CUTC: variants seen among roughly 807,000 people sequenced by gnomAD.
The protein encoded by CUTC is copper homeostasis protein cutC homolog.
CUTC carries 27 observed loss-of-function variants against 36.2 expected under a neutral mutation model. The ratio of observed to expected loss-of-function variants is 0.75; its 90% CI spans 0.55 to 1.03. The LOEUF (loss-of-function observed/expected upper bound fraction) is 1.03, where lower values mean the gene tolerates loss of function less well. CUTC is among the 50% of genes least tolerant of loss of function. The pLI, the probability that CUTC is intolerant of heterozygous loss-of-function variation, is 0.00. For missense variants in CUTC, 315 were observed against 343.5 expected (o/e 0.92, Z 0.66); for synonymous variants, 114 against 118.3 (o/e 0.96, Z 0.24).
At chr10:99,742,398 A>G (rs1416596312) in intron 3 of CUTC, among the ~76,000 whole-genome samples, 1 of 152,198 alleles carries the variant, frequency 6.6e-6, no homozygotes, top group Non-Finnish European at 1.5e-5. Flanking sequence ...AAAAGAGGGC[A>G]TTCCTGGCCA....
At chr10:99,750,231 G>T in intron 6 of CUTC, 138 bp from the exon 7 acceptor site, 1 of 475,876 alleles carries the variant, frequency 2.1e-6, no homozygotes, top group Non-Finnish European at 3.5e-6. Context: ...AAATAGAGAA[G>T]ATCTAGTAAA....
intron 7 of CUTC, among the ~76,000 whole-genome samples, chr10:99,752,466 CAGAG>C (rs2037426609): frequency 6.6e-6 from 1 of 151,782 alleles, no homozygotes; most frequent in Non-Finnish European, 1.5e-5. Flanking sequence ...GAAACATAAG[CAGAG>C]AGAAAGTATA....
intron 1 of CUTC, chr10:99,732,688 C>T: frequency 7.8e-7 from 1 of 1,280,796 alleles, no homozygotes; most frequent in Non-Finnish European, 1.0e-6. Flanking sequence ...ACTTCAGCTT[C>T]ACGTTTTTTC....
At chr10:99,742,433 G>A (rs2037348219) in intron 3 of CUTC, among the ~76,000 whole-genome samples, 1 of 152,182 alleles carries the variant, frequency 6.6e-6, no homozygotes, top group Non-Finnish European at 1.5e-5. Flanking sequence ...GAGCATGTCT[G>A]TAAATTTGAG....
At chr10:99,732,475 G>C in intron 1 of CUTC, 66 bp downstream of exon 1, 3 of 1,545,558 alleles carry the variant, frequency 1.9e-6, no homozygotes, top group African/African-American at 1.4e-5. Flanking sequence ...GGCGGGAGTC[G>C]TAGTCAGTGG....
At chr10:99,739,634 AATAT>A (rs1451644313) in intron 2 of CUTC, 72 bp from the exon 3 acceptor site, 8 of 1,337,000 alleles carry the variant, frequency 6.0e-6, no homozygotes, top group Non-Finnish European at 8.4e-6. Context: ...ATTTGGAAAA[AATAT>A]ATATAAACAG....
intron 1 of CUTC, chr10:99,732,627 G>C: frequency 7.0e-7 from 1 of 1,420,344 alleles, no homozygotes; most frequent in Non-Finnish European, 9.2e-7. Context: ...GCCAAGGTTC[G>C]AGTCCCGGGG....
At chr10:99,747,049 C>T (rs868405875) in intron 5 of CUTC, among the ~76,000 whole-genome samples, 4 of 152,104 alleles carry the variant, frequency 2.6e-5, no homozygotes, top group Non-Finnish European at 4.4e-5. Context: ...ATTATAGGCA[C>T]GAGCCACTGC....
intron 5 of CUTC, among the ~76,000 whole-genome samples, chr10:99,745,218 T>C (rs968918398): frequency 1.3e-5 from 2 of 152,246 alleles, no homozygotes; most frequent in African/African-American, 4.8e-5. Context: ...TTTATTCCAA[T>C]AGGTTTAACA....
At position 99,754,529 on chromosome 10, in the gene CUTC, GA is replaced by G; in HGVS notation, c.603del (p.Gly202ValfsTer3). 1 of 1,595,584 alleles carries G rather than the reference GA, an allele frequency of 6.3e-7. No individual in the cohort carries two copies. Among genetic ancestry groups the G allele is most frequent in the Non-Finnish European group, 8.6e-7 (1 of 1,163,988 alleles). On this transcript the variant is annotated frameshift_variant and splice_region_variant, in exon 8 of 9. Transcript: ENST00000370476. LOFTEE classifies it high-confidence loss of function. ...QAKGRIVVMPGGGITDRNLQR... is the reference protein window; with the variant it reads ...QAKGRIVVMPXGGITDRNLQR... ...ATGTGTTACTTATTCTTTGCAACAG[GA>G]GGTGGTATAACAGACAGAAATCTAC...
At position 99,743,083 on chromosome 10, in the gene CUTC, TA is replaced by T. The variant is rs1042515086; in HGVS notation, c.194-67del. On this transcript the variant is annotated intron_variant, in intron 3 of 8. Coordinates refer to ENST00000370476, the MANE Select transcript of CUTC (RefSeq NM_015960.3). ...ACCTTTTAGAGCCATCTTTGTCTGG[TA>T]AATGACCAATAATATATCATTGGCT... The T allele has an allele frequency of 5.5e-6, 8 of 1,455,802 alleles. No individual in the cohort carries two copies. The African/African-American group carries it at 1.1e-4, about 20-fold the overall frequency. The allele number at this position is 1,455,802 out of a possible 1,614,324, so 90.2% of individuals were successfully genotyped here.
At chr10:99,754,007 C>G (rs1169323184) in intron 7 of CUTC, among the ~76,000 whole-genome samples, 1 of 152,112 alleles carries the variant, frequency 6.6e-6, no homozygotes, top group African/African-American at 2.4e-5. Flanking sequence ...TTTGGTGGTA[C>G]AGTTTTAATA....
intron 6 of CUTC, among the ~76,000 whole-genome samples, chr10:99,748,349 C>A (rs1176963942): frequency 3.3e-5 from 5 of 152,084 alleles, no homozygotes; most frequent in Non-Finnish European, 7.4e-5. Context: ...TACTAATGTT[C>A]CTGTGTAGAC....
At chr10:99,744,364 G>A (rs923519958) in intron 5 of CUTC, among the ~76,000 whole-genome samples, 2 of 152,188 alleles carry the variant, frequency 1.3e-5, no homozygotes, top group Admixed American at 6.5e-5. Flanking sequence ...AGCATTCCAA[G>A]CAAGAATCCT....
intron 1 of CUTC, among the ~76,000 whole-genome samples, chr10:99,735,127 C>T (rs1274925542): frequency 1.8e-5 from 1 of 56,428 alleles, no homozygotes; most frequent in South Asian, 6.0e-4. Flanking sequence ...AAAAAAAAAA[C>T]AAACTTAGGA....
At position 99,736,254 on chromosome 10, in the gene CUTC, A is replaced by G. The variant is rs750494076; in HGVS notation, c.70A>G (p.Asn24Asp). The G allele has an allele frequency of 3.1e-6, 5 of 1,613,760 alleles. 1 individual carries two copies. The Admixed American group carries it at 8.3e-5, about 27-fold the overall frequency. Reference sequence around the variant, plus strand: ...TTCTCCATGTATTTTAGGAGCAGCAAATGGATTTCTCATGGAAGTTTGTGT... The same window carrying G: ...TTCTCCATGTATTTTAGGAGCAGCAGATGGATTTCTCATGGAAGTTTGTGT... ...RIPSGKAGAA[N>D]GFLMEVCVDS... Residue 24 changes from asparagine to aspartate, a missense_variant, in exon 2 of 9, where the codon AAT becomes GAT. Physicochemically the swap from Asn to Asp is conservative, Grantham distance 23. Transcript: ENST00000370476.
Position 99,752,371 on chromosome 10 carries a change from C to A in CUTC, c.601+1975C>A, listed in dbSNP as rs991006050. ...CTGCAGCCTGGGCAACAGAGTGAGA[C>A]CCTGTGTCAAAAGAAAAAAAAAAAA... On this transcript the variant is annotated intron_variant, in intron 7 of 8. Transcript: ENST00000370476. Among the ~76,000 whole-genome samples, 17 of 150,658 alleles carry A rather than the reference C, an allele frequency of 1.1e-4. 1 individual carries two copies. The highest frequency in any genetic ancestry group is 9.3e-4 in the Admixed American group (14 of 15,120).
In CUTC at chr10:99,743,009, A is replaced by G. The variant is rs557414436; in HGVS notation, c.194-144A>G. ...AAATCGTTCTATTTAACCCTTTGCT[A>G]TTACTTACCTTCTACCATATATACA... On this transcript the variant is annotated intron_variant, in intron 3 of 8. Transcript: ENST00000370476. 1.9e-5 allele frequency: 13 copies of G among 693,036 alleles called. No homozygotes were observed. In the South Asian group the frequency reaches 2.4e-4, roughly 13 times the overall value. 42.9% of individuals were successfully genotyped at this position (693,036 alleles called of 1,614,324 possible).
At chr10:99,738,051 C>A (rs1590117693) in intron 2 of CUTC, among the ~76,000 whole-genome samples, 1 of 151,474 alleles carries the variant, frequency 6.6e-6, no homozygotes, top group Non-Finnish European at 1.5e-5. Context: ...GAAGCTGAGG[C>A]AGGAGAATTG....
Sources: allele counts gnomAD v4.1 joint callset (sites outside exome capture counted in the v4.1 genomes callset), GRCh38; gene constraint gnomAD v4.1.1; transcripts MANE v1.5; gene names NCBI Gene and HGNC (gene_info 2026-07-23, HGNC 2026-07-21).